Variants in PSEN1 observed in about 807,000 individuals in gnomAD.
PSEN1 encodes the protein presenilin 1, also known as presenilin-1.
In PSEN1, 15 loss-of-function variants were observed where a neutral mutation model predicts 53.5. The observed-to-expected ratio is 0.28, with a 90% CI of 0.19 to 0.43. The LOEUF is 0.43. PSEN1 is among the 20% of genes least tolerant of loss of function. PSEN1 has a pLI of 1.00. For missense variants in PSEN1, 387 were observed against 571.2 expected (o/e 0.68, Z 3.29); for synonymous variants, 208 against 209.8 (o/e 0.99, Z 0.08).
chr14:73,213,533 G>A lies in PSEN1; in HGVS notation c.1129+1591G>A, dbSNP rs193278015. 2.5e-3 allele frequency among the ~76,000 whole-genome samples: 377 copies of A among 152,256 alleles called. 2 individuals carry two copies. Among genetic ancestry groups the A allele is most frequent in the Non-Finnish European group, 4.1e-3 (279 of 68,028 alleles). On this transcript the variant is annotated intron_variant, in intron 10 of 11. Transcript: ENST00000324501. ...TTCATCATCTTAGCATTCAGCACAC[G>A]TGTCACCATCTCTGATGGTGTGAGC... is the stretch of plus-strand genomic sequence containing the variant.
intron 3 of PSEN1, among the ~76,000 whole-genome samples, chr14:73,166,623 C>G (rs1897725360): frequency 6.6e-6 from 1 of 152,190 alleles, no homozygotes; most frequent in Non-Finnish European, 1.5e-5. Flanking sequence ...ACTTAGTCAC[C>G]TCCTTCTGTG....
intron 3 of PSEN1, 51 bp from the exon 4 acceptor site, chr14:73,170,746 T>C (rs1340289406): frequency 6.2e-7 from 1 of 1,604,486 alleles, no homozygotes; most frequent in East Asian, 2.2e-5. Flanking sequence ...ACCGTTACCT[T>C]GATTCTGCTG....
intron 10 of PSEN1, among the ~76,000 whole-genome samples, chr14:73,216,312 C>G (rs1360825233): frequency 6.6e-6 from 1 of 152,146 alleles, no homozygotes; most frequent in African/African-American, 2.4e-5. Context: ...GTACAAGGTA[C>G]CTGACTGGGG....
intron 3 of PSEN1, among the ~76,000 whole-genome samples, chr14:73,153,093 G>A (rs932983011): frequency 6.6e-6 from 1 of 152,060 alleles, no homozygotes; most frequent in Non-Finnish European, 1.5e-5. Flanking sequence ...GCTATTTAAA[G>A]GACCTTGAGG....
chr14:73,140,082 T>G (rs1031301387), intron 1 of PSEN1, among the ~76,000 whole-genome samples: 2 of 152,194 alleles, frequency 1.3e-5, no homozygotes, highest in African/African-American at 4.8e-5. Context: ...ATAGAGTTAT[T>G]GAAATTAAAT....
chr14:73,172,520 C>T (rs1216490957), intron 4 of PSEN1, among the ~76,000 whole-genome samples: 1 of 152,172 alleles, frequency 6.6e-6, no homozygotes, highest in East Asian at 1.9e-4. Flanking sequence ...AAGTTATTCA[C>T]AAATTTGTGA....
At chr14:73,162,462 C>G (rs1236395914) in intron 3 of PSEN1, among the ~76,000 whole-genome samples, 1 of 146,718 alleles carries the variant, frequency 6.8e-6, no homozygotes, top group Non-Finnish European at 1.5e-5. Context: ...CTCTCTCTCT[C>G]TCCATGAGAA....
At chr14:73,158,298 A>G (rs144572101) in intron 3 of PSEN1, among the ~76,000 whole-genome samples, 5 of 148,904 alleles carry the variant, frequency 3.4e-5, no homozygotes, top group African/African-American at 1.0e-4. Context: ...CTATCTATCT[A>G]TCTATCTATC....
chr14:73,170,809 G>A lies in PSEN1; in HGVS notation c.100G>A (p.Glu34Lys). ...NTVRSQNDNRERQEHNDRRSL... is the reference protein window; with the variant it reads ...NTVRSQNDNRKRQEHNDRRSL... ...CTTGTGCTTATAGAATGACAATAGAGAACGGCAGGAGCACAACGACAGACG... is the reference window on the plus strand; with the variant it reads ...CTTGTGCTTATAGAATGACAATAGAAAACGGCAGGAGCACAACGACAGACG... Residue 34 changes from glutamate to lysine, a missense_variant, in exon 4 of 12, where the codon GAA becomes AAA. Physicochemically the swap from Glu to Lys is moderately conservative, Grantham distance 56. Coordinates refer to ENST00000324501, the MANE Select transcript of PSEN1 (RefSeq NM_000021.4). The A allele has an allele frequency of 1.9e-6, 3 of 1,614,176 alleles. No homozygotes were observed. Among genetic ancestry groups the A allele is most frequent in the Non-Finnish European group, 2.5e-6 (3 of 1,180,032 alleles).
intron 6 of PSEN1, chr14:73,189,789 GC>G: frequency 2.1e-5 from 5 of 237,908 alleles, no homozygotes; most frequent in Non-Finnish European, 2.6e-5. Context: ...CTGAGGTCCT[GC>G]CCCCAGCTCC....
At chr14:73,213,820 A>G (rs549819043) in intron 10 of PSEN1, among the ~76,000 whole-genome samples, 11 of 152,240 alleles carry the variant, frequency 7.2e-5, no homozygotes, top group Non-Finnish European at 1.3e-4. Context: ...TAGATTGGCT[A>G]TAATAAAAAA....
chr14:73,168,984 C>G (rs1594994921), intron 3 of PSEN1: 1 of 152,308 alleles, frequency 6.6e-6, no homozygotes, highest in East Asian at 1.9e-4. Context: ...CGCTTGCACA[C>G]TGCCTCTTGC....
intron 10 of PSEN1, among the ~76,000 whole-genome samples, chr14:73,215,226 G>A (rs967724175): frequency 6.6e-6 from 1 of 151,904 alleles, no homozygotes. Context: ...CTCCCAGAGT[G>A]CTGGGATTAC....
At chr14:73,145,342 T>C (rs575016434) in intron 1 of PSEN1, among the ~76,000 whole-genome samples, 67 of 152,268 alleles carry the variant, frequency 4.4e-4, no homozygotes, top group African/African-American at 1.6e-3. Flanking sequence ...TATTTTATTA[T>C]TTGTTTTTTT....
At chr14:73,140,715 A>G (rs1016324576) in intron 1 of PSEN1, among the ~76,000 whole-genome samples, 2 of 152,308 alleles carry the variant, frequency 1.3e-5, no homozygotes, top group East Asian at 1.9e-4. Context: ...TCTGAATTCT[A>G]AACACATTTA....
At chr14:73,205,427 C>T (rs577874674) in intron 8 of PSEN1, among the ~76,000 whole-genome samples, 44 of 146,886 alleles carry the variant, frequency 3.0e-4, no homozygotes, top group Non-Finnish European at 4.9e-4. Context: ...TGCAGTGAGC[C>T]GAGATCATGC....
chr14:73,157,602 T>C (rs1897397139), intron 3 of PSEN1, among the ~76,000 whole-genome samples: 1 of 152,194 alleles, frequency 6.6e-6, no homozygotes, highest in Admixed American at 6.5e-5. Flanking sequence ...AGTTTCTTCA[T>C]GTTTTGTTGT....
rs1899293862 is a variant in PSEN1 at position 73,202,998 on chromosome 14, A to G, written c.869-3388A>G. Among the ~76,000 whole-genome samples the G allele has an allele frequency of 3.0e-5, 3 of 100,586 alleles. No individual in the cohort carries two copies. In the South Asian group the frequency reaches 8.4e-4, roughly 28 times the overall value. 66.0% of individuals were successfully genotyped at this position (100,586 alleles called of 152,430 possible). ...CTCCTGTGTAGATCAGGTAGGTTCA[A>G]GATTGCATCTGTTCTTTTGTAATAC... On this transcript the variant is annotated intron_variant, in intron 8 of 11. Coordinates refer to ENST00000324501, the MANE Select transcript of PSEN1 (RefSeq NM_000021.4).
At position 73,148,115 on chromosome 14, in the gene PSEN1, T is replaced by G. The variant is rs1594964789; in HGVS notation, c.87+9T>G. 6.2e-7 allele frequency: 1 copy of G among 1,606,830 alleles called. No homozygotes were observed. Among genetic ancestry groups the G allele is most frequent in the Non-Finnish European group, 8.5e-7 (1 of 1,173,886 alleles). On this transcript the variant is annotated intron_variant, in intron 3 of 11. Transcript: ENST00000324501. ...ATACTGTACGTAGCCAGGTACAGTG[T>G]CAGTCTCTGAAACTGCCTTTGCCAG...
Sources: gnomAD v4.1 joint callset for allele counts (sites outside exome capture counted in the v4.1 genomes callset) on GRCh38, gnomAD v4.1.1 for gene constraint, MANE v1.5 for transcripts, NCBI Gene and HGNC (gene_info 2026-07-23, HGNC 2026-07-21) for gene names.